The following ATP8B1 variants were observed in gnomAD, a reference collection of about 807,000 sequenced individuals.
ATP8B1 encodes the protein phospholipid-transporting ATPase IC.
Under a neutral mutation model 149.9 loss-of-function variants are expected in ATP8B1, and 80 were observed. The ratio of observed to expected loss-of-function variants is 0.53; its 90% confidence interval spans 0.45 to 0.64. The LOEUF (loss-of-function observed/expected upper bound fraction) is 0.64, where lower values mean the gene tolerates loss of function less well. Among genes scored for constraint, ATP8B1 ranks in the 30% least tolerant of loss-of-function variants. The probability of loss-of-function intolerance (pLI) is 0.00; values close to 1 mark genes in which losing one functional copy is unlikely to be tolerated. For synonymous variants in ATP8B1, 536 were observed against 562.8 expected (o/e 0.95, Z 0.67); for missense variants, 1,247 against 1,552.6 (o/e 0.80, Z 3.31).
intron 1 of ATP8B1, among the ~76,000 whole-genome samples, chr18:57,777,530 T>TG (rs2080315815): frequency 6.6e-6 from 1 of 152,158 alleles, no homozygotes; most frequent in South Asian, 2.1e-4. Flanking sequence ...GTTGGGTAAC[T>TG]GGGTTAAAAG....
rs1381337057 is a variant in ATP8B1, at chr18:57,717,529, C to A, written c.182-10942G>T. Among the ~76,000 whole-genome samples the A allele has an allele frequency of 4.0e-5, 3 of 75,000 alleles. 1 individual carries two copies. The highest frequency in any genetic ancestry group is 2.1e-4 in the Admixed American group (1 of 4,672). The allele number at this position is 75,000 out of a possible 152,430, so 49.2% of individuals were successfully genotyped here. A position where few individuals can be genotyped will look rare whatever the true frequency, so the allele number is the denominator to read the frequency against. ...CACCACTGCACTCCAACCTGGGTAA[C>A]AGAGCAAGACTCTGTCTCAAAAAAA... On this transcript the variant is annotated intron_variant, in intron 2 of 27. Transcript: ENST00000648908.
chr18:57,736,888 A>G (rs974272512), intron 1 of ATP8B1: 1 of 152,124 alleles, frequency 6.6e-6, no homozygotes, highest in African/African-American at 2.4e-5. Context: ...TTTAGCCCAT[A>G]TTATGTTTTG....
chr18:57,730,215 A>T (rs546002315), intron 2 of ATP8B1, among the ~76,000 whole-genome samples: 2 of 148,524 alleles, frequency 1.3e-5, no homozygotes, highest in East Asian at 4.2e-4. Flanking sequence ...CAGATAGCAG[A>T]ACCCAAGAAA....
chr18:57,699,299 C>A (rs1912994887), intron 6 of ATP8B1, among the ~76,000 whole-genome samples: 1 of 152,138 alleles, frequency 6.6e-6, no homozygotes, highest in African/African-American at 2.4e-5. Flanking sequence ...TCCAAAGTTA[C>A]CTTTCAAGTG....
intron 2 of ATP8B1, among the ~76,000 whole-genome samples, chr18:57,727,782 A>G (rs2079723470): frequency 6.6e-6 from 1 of 152,138 alleles, no homozygotes; most frequent in Non-Finnish European, 1.5e-5. Context: ...GAGAGACTCC[A>G]TCTCAAAACA....
chr18:57,748,008 C>G (rs1426904753), intron 1 of ATP8B1, among the ~76,000 whole-genome samples: 1 of 152,188 alleles, frequency 6.6e-6, no homozygotes, highest in African/African-American at 2.4e-5. Context: ...GTCAGCAATT[C>G]TATCTGTTCT....
chr18:57,668,588 C>G lies in ATP8B1; in HGVS notation c.2098-48G>C, dbSNP rs756305793. 16 of 1,178,642 alleles carry G rather than the reference C, an allele frequency of 1.4e-5. No homozygotes were observed. In the Admixed American group the frequency reaches 2.7e-4, roughly 20 times the overall value. 73.0% of individuals were successfully genotyped at this position (1,178,642 alleles called of 1,614,324 possible). ...AAAAAAAAGGAATTAGCAAACAAAC[C>G]AAAAGTTTTCTGTAATTACAGGTTG... On this transcript the variant is annotated intron_variant, in intron 18 of 27. Coordinates refer to ENST00000648908, the MANE Select transcript of ATP8B1 (RefSeq NM_001374385.1).
At chr18:57,733,456 C>T (rs1381903161) in intron 1 of ATP8B1, among the ~76,000 whole-genome samples, 1 of 152,076 alleles carries the variant, frequency 6.6e-6, no homozygotes, top group East Asian at 1.9e-4. Context: ...CCTGTAATCC[C>T]AGCACTTTGG....
In ATP8B1 at chr18:57,668,013, A is replaced by G. The variant is rs145957539; in HGVS notation, c.2209+416T>C. ...AAATCGTTCTTTCCTTAGGTATACA[A>G]TTTTATTGCCAAGCAATAAAATTGG... On this transcript the variant is annotated intron_variant, in intron 19 of 27. Coordinates refer to ENST00000648908, the MANE Select transcript of ATP8B1 (RefSeq NM_001374385.1). 5 of 1,228,122 alleles carry G rather than the reference A, an allele frequency of 4.1e-6. No homozygotes were observed. In the African/African-American group the frequency reaches 6.2e-5, roughly 15 times the overall value. 76.1% of individuals were successfully genotyped at this position (1,228,122 alleles called of 1,614,324 possible).
At chr18:57,749,875 C>T (rs574081429) in intron 1 of ATP8B1, among the ~76,000 whole-genome samples, 16 of 152,254 alleles carry the variant, frequency 1.1e-4, no homozygotes, top group African/African-American at 3.6e-4. Flanking sequence ...TCCTAACTTC[C>T]GAGAGCTCTT....
intron 6 of ATP8B1, 136 bp downstream of exon 6, chr18:57,700,903 C>T (rs1226120114): frequency 2.7e-5 from 26 of 978,444 alleles, no homozygotes; most frequent in African/African-American, 1.4e-4. Flanking sequence ...GGCGACAGAG[C>T]GAGACTCTAT....
chr18:57,699,720 C>CAAAAAAAAAAAA (rs1913021783), intron 6 of ATP8B1, among the ~76,000 whole-genome samples: 1 of 105,918 alleles, frequency 9.4e-6, no homozygotes, highest in African/African-American at 2.8e-5. Flanking sequence ...GACTCCGTCT[C>CAAAAAAAAAAAA]AAAAAAATAA....
At chr18:57,702,479 A>G (rs1406961324) in intron 4 of ATP8B1, among the ~76,000 whole-genome samples, 1 of 152,212 alleles carries the variant, frequency 6.6e-6, no homozygotes, top group Non-Finnish European at 1.5e-5. Context: ...CTTCTAGACT[A>G]GAAGAATTAA....
intron 1 of ATP8B1, among the ~76,000 whole-genome samples, chr18:57,774,692 C>T (rs1455197671): frequency 6.6e-6 from 1 of 152,144 alleles, no homozygotes; most frequent in Admixed American, 6.5e-5. Context: ...TTAGCTACAT[C>T]CCCAGCACCC....
At position 57,646,597 on chromosome 18, in the gene ATP8B1, T is replaced by G. The variant is rs906986083; in HGVS notation, c.*1891A>C. The stretch of plus-strand genomic sequence containing the variant: ...CAGTATGTCTTTGACACATTTGCAT[T>G]GTCAATCTTTCCCACAATTTGCAAA... On this transcript the variant is annotated 3_prime_UTR_variant, in exon 28 of 28. Coordinates refer to ENST00000648908, the MANE Select transcript of ATP8B1 (RefSeq NM_001374385.1). 2 of 152,666 alleles carry G rather than the reference T, an allele frequency of 1.3e-5. No homozygotes were observed. The highest frequency in any genetic ancestry group is 2.9e-5 in the Non-Finnish European group (2 of 68,044). The allele number at this position is 152,666 out of a possible 1,614,324, so 9.5% of individuals were successfully genotyped here.
intron 2 of ATP8B1, among the ~76,000 whole-genome samples, chr18:57,716,209 A>C (rs1244841854): frequency 1.3e-5 from 2 of 152,152 alleles, no homozygotes; most frequent in African/African-American, 4.8e-5. Context: ...ATATATACAA[A>C]ATAAAAAGCA....
intron 2 of ATP8B1, among the ~76,000 whole-genome samples, chr18:57,712,829 G>A (rs1913750674): frequency 6.6e-6 from 1 of 151,876 alleles, no homozygotes; most frequent in Non-Finnish European, 1.5e-5. Flanking sequence ...AGGGCACCAG[G>A]CAGGGTCATG....
At chr18:57,746,600 T>G (rs1397613664) in intron 1 of ATP8B1, among the ~76,000 whole-genome samples, 1 of 150,930 alleles carries the variant, frequency 6.6e-6, no homozygotes, top group Non-Finnish European at 1.5e-5. Flanking sequence ...CTCAGCCTCC[T>G]GAGTAGCTGG....
chr18:57,742,285 T>G (rs1158603619), intron 1 of ATP8B1, among the ~76,000 whole-genome samples: 2 of 152,178 alleles, frequency 1.3e-5, no homozygotes, highest in African/African-American at 2.4e-5. Flanking sequence ...AAATTTAAAC[T>G]TTATACTGTT....
Sources: allele counts gnomAD v4.1 joint callset (sites outside exome capture counted in the v4.1 genomes callset), GRCh38; gene constraint gnomAD v4.1.1; transcripts MANE v1.5; gene names NCBI Gene and HGNC (gene_info 2026-07-23, HGNC 2026-07-21).